Variants in ABCC5 observed in about 807,000 individuals in gnomAD.
ABCC5 encodes ATP-binding cassette sub-family C member 5.
In ABCC5, 61 loss-of-function variants were observed where a neutral mutation model predicts 160.9. The observed-to-expected ratio is 0.38, with a 90% CI of 0.31 to 0.47. The LOEUF is 0.47. Ranked by LOEUF, ABCC5 falls within the 20% of genes least tolerant of loss-of-function variation. The pLI is 0.99. For synonymous variants in ABCC5, 666 were observed against 700.6 expected (o/e 0.95, Z 0.78); for missense variants, 1,308 against 1,813.3 (o/e 0.72, Z 5.06).
chr3:183,965,199 T>A lies in ABCC5; in HGVS notation c.2017A>T (p.Ser673Cys), dbSNP rs1454986688. 6.2e-7 allele frequency: 1 copy of A among 1,614,078 alleles called. No homozygotes were observed. Among genetic ancestry groups the A allele is most frequent in the Non-Finnish European group, 8.5e-7 (1 of 1,180,016 alleles). Residue 673 changes from serine to cysteine, a missense_variant, in exon 14 of 30, where the codon AGC becomes TGC. Transcript: ENST00000334444. ...LRPDLAILPSSDLTEIGERGA... is the reference protein window; with the variant it reads ...LRPDLAILPSCDLTEIGERGA... ...AAGGCCTGTACCTCCGTCAGGTCGC[T>A]GCTGGGAAGAATGGCCAGGTCAGGC...
rs1189478498 is a variant in ABCC5, at chr3:183,927,369, C to T, written c.4008G>A (p.Gln1336=). ...GCAGGGCTCTAGCTATGCACAAGAGCTGCCGTTCCCCCACTGAGAAGTTAT... is the reference window on the plus strand; with the variant it reads ...GCAGGGCTCTAGCTATGCACAAGAGTTGCCGTTCCCCCACTGAGAAGTTAT... ...NGDNFSVGER[Q]LLCIARALLR... is the part of the protein sequence containing the mutation. The change falls in exon 28 of 30, where the codon CAG becomes CAA. Residue 1336 remains glutamine (Q), a synonymous_variant. Transcript: ENST00000334444. 5.0e-6 allele frequency: 8 copies of T among 1,613,688 alleles called. No individual in the cohort carries two copies. The East Asian group carries it at 1.3e-4, about 27-fold the overall frequency.
At position 183,927,382 on chromosome 3, in the gene ABCC5, ACT is replaced by A; in HGVS notation, c.3993_3994del (p.Val1332GlyfsTer10). ...TATGCACAAGAGCTGCCGTTCCCCC[ACT>A]GAGAAGTTATCCCCATTCTCCATCA... On this transcript the variant is annotated frameshift_variant, in exon 28 of 30. Transcript: ENST00000334444. LOFTEE classifies it high-confidence loss of function. The A allele has an allele frequency of 6.2e-7, 1 of 1,613,822 alleles. No individual in the cohort carries two copies. The highest frequency in any genetic ancestry group is 8.5e-7 in the Non-Finnish European group (1 of 1,179,866).
chr3:184,014,222 G>A, intron 2 of ABCC5, 42 bp downstream of exon 2: 2 of 1,575,274 alleles, frequency 1.3e-6, no homozygotes, highest in Non-Finnish European at 1.7e-6. Flanking sequence ...ATGTGTTTTA[G>A]TACAACAAGC....
chr3:184,007,669 TACAA>T (rs971411541), intron 2 of ABCC5, among the ~76,000 whole-genome samples: 1 of 151,798 alleles, frequency 6.6e-6, no homozygotes, highest in Non-Finnish European at 1.5e-5. Flanking sequence ...CTACTAAAAA[TACAA>T]ACAATTAGCT....
chr3:183,924,178 C>T (rs1712293456), intron 29 of ABCC5, among the ~76,000 whole-genome samples: 1 of 152,054 alleles, frequency 6.6e-6, no homozygotes, highest in Admixed American at 6.6e-5. Flanking sequence ...GCCACCACTC[C>T]TGGCTAATTT....
rs772274595 is a variant in ABCC5 at position 183,949,737 on chromosome 3, C to T, written c.3227+16G>A. 5.6e-6 allele frequency: 9 copies of T among 1,613,530 alleles called. No homozygotes were observed. The highest frequency in any genetic ancestry group is 1.7e-5 in the Admixed American group (1 of 59,978). On this transcript the variant is annotated intron_variant, in intron 22 of 29. Transcript: ENST00000334444. This position sits in a 1 kb window ranked among gnomAD's most constrained non-coding sequence, Gnocchi z 4.2. The stretch of plus-strand genomic sequence containing the variant: ...CTGACTCCCCTTTGAGGCCTCTAGC[C>T]CCCATCAGGACAAACCTGTGCAGAA...
intron 16 of ABCC5, 84 bp downstream of exon 16, chr3:183,961,427 G>C (rs747242797): frequency 2.6e-5 from 40 of 1,512,562 alleles, no homozygotes; most frequent in Non-Finnish European, 3.5e-5. Flanking sequence ...ACTGGATTCA[G>C]CTGAGGTCTC....
At chr3:183,995,596 T>C (rs1049151690) in intron 2 of ABCC5, among the ~76,000 whole-genome samples, 4 of 152,194 alleles carry the variant, frequency 2.6e-5, no homozygotes, top group Admixed American at 2.6e-4. Context: ...TGGCCATGCC[T>C]GTGTGAGTCT....
In ABCC5 at chr3:183,988,716, G is replaced by C. The variant is rs1719453995; in HGVS notation, c.299C>G (p.Pro100Arg). Residue 100 changes from proline to arginine, a missense_variant, in exon 4 of 30, where the codon CCA (proline) becomes CGA (arginine). Physicochemically the swap from Pro to Arg is moderately radical, Grantham distance 103. Coordinates refer to ENST00000334444, the MANE Select transcript of ABCC5 (RefSeq NM_005688.4). This position sits in a 1 kb window ranked among gnomAD's most constrained non-coding sequence, Gnocchi z 4.4. The part of the protein sequence containing the change: ...PIRTTSKHQH[P>R]VDNAGLFSCM... ...GGAAAAAAGCCCAGCATTGTCCACTGGGTGCTGGTGTCTAAGGAGAGAAAA... is the reference window on the plus strand; with the variant it reads ...GGAAAAAAGCCCAGCATTGTCCACTCGGTGCTGGTGTCTAAGGAGAGAAAA... The C allele has an allele frequency of 6.2e-7, 1 of 1,613,510 alleles. No individual in the cohort carries two copies. The highest frequency in any genetic ancestry group is 8.5e-7 in the Non-Finnish European group (1 of 1,179,870).
At chr3:183,985,411 C>T (rs545502393) in intron 5 of ABCC5, 20 of 1,569,150 alleles carry the variant, frequency 1.3e-5, no homozygotes, top group Admixed American at 1.7e-5. Context: ...GGTTCCACTA[C>T]AGAGAGACTC....
Position 183,977,635 on chromosome 3 carries a change from G to A in ABCC5, c.1297-11C>T, listed in dbSNP as rs369351499. The stretch of plus-strand genomic sequence containing the variant: ...CACCACTGTGAAAGCCTGAAAATAG[G>A]AGAAGAGAAGAAACTGTGCCTAATG... On this transcript the variant is annotated splice_polypyrimidine_tract_variant and intron_variant, in intron 9 of 29. Coordinates refer to ENST00000334444, the MANE Select transcript of ABCC5 (RefSeq NM_005688.4). 65 of 1,600,170 alleles carry A rather than the reference G, an allele frequency of 4.1e-5. No individual in the cohort carries two copies. The highest frequency in any genetic ancestry group is 5.1e-5 in the Non-Finnish European group (60 of 1,168,276).
At chr3:183,933,961 C>A (rs1577464236) in intron 26 of ABCC5, among the ~76,000 whole-genome samples, 1 of 152,264 alleles carries the variant, frequency 6.6e-6, no homozygotes, top group East Asian at 1.9e-4. Flanking sequence ...CTTATTTATC[C>A]TGCCTGTGCC....
intron 2 of ABCC5, among the ~76,000 whole-genome samples, chr3:184,005,908 T>TAA (rs11429168): frequency 0.068 from 9,960 of 147,046 alleles, 353 homozygotes; most frequent in Middle Eastern, 0.089. Flanking sequence ...TTTAGGTACT[T>TAA]AAAAAAAAAA....
At chr3:183,998,537 T>A (rs1720461474) in intron 2 of ABCC5, among the ~76,000 whole-genome samples, 1 of 152,186 alleles carries the variant, frequency 6.6e-6, no homozygotes, top group African/African-American at 2.4e-5. Context: ...TTAATCCTCA[T>A]AACAACCCTT....
intron 5 of ABCC5, chr3:183,984,036 TG>T: frequency 1.0e-6 from 1 of 985,394 alleles, no homozygotes; most frequent in Non-Finnish European, 1.2e-6. Context: ...GAGGTTGCAA[TG>T]ATTCTGCAAC....
intron 17 of ABCC5, 49 bp from the exon 18 acceptor site, chr3:183,953,319 C>T (rs1356800871): frequency 3.3e-6 from 5 of 1,532,270 alleles, no homozygotes; most frequent in Non-Finnish European, 4.4e-6. Context: ...GAACTATTTC[C>T]ATAAAACTAA....
intron 5 of ABCC5, chr3:183,984,145 A>C: frequency 1.0e-6 from 1 of 985,444 alleles, no homozygotes; most frequent in Non-Finnish European, 1.2e-6. Flanking sequence ...TCTGCTCAAA[A>C]TGGCTGGTGC....
intron 10 of ABCC5, among the ~76,000 whole-genome samples, chr3:183,973,547 A>C (rs987929096): frequency 3.9e-5 from 6 of 152,200 alleles, no homozygotes; most frequent in African/African-American, 1.4e-4. Flanking sequence ...GGTGCTATTA[A>C]ATATCATACA....
chr3:183,997,700 A>C (rs998912244), intron 2 of ABCC5, among the ~76,000 whole-genome samples: 1 of 152,190 alleles, frequency 6.6e-6, no homozygotes, highest in Non-Finnish European at 1.5e-5. Context: ...TACATTCTAC[A>C]TATCATCAAT....
Sources: gnomAD v4.1 joint callset for allele counts (sites outside exome capture counted in the v4.1 genomes callset) on GRCh38, gnomAD v4.1.1 for gene constraint, Gnocchi (gnomAD v3.1) non-coding constraint, MANE v1.5 for transcripts, NCBI Gene and HGNC (gene_info 2026-07-23, HGNC 2026-07-21) for gene names.